Variants in TMCC2 observed in about 807,000 individuals in gnomAD.
TMCC2 encodes the protein transmembrane and coiled-coil domain family 2, also known as transmembrane and coiled-coil domains protein 2.
Under a neutral mutation model 49.4 loss-of-function variants are expected in TMCC2, and 16 were observed. That is an observed-to-expected ratio of 0.32 (90% CI 0.22 to 0.49). TMCC2 has a LOEUF of 0.49. Ranked by LOEUF, TMCC2 falls within the 20% of genes least tolerant of loss-of-function variation. The probability of loss-of-function intolerance (pLI) is 0.99; values close to 1 mark genes in which losing one functional copy is unlikely to be tolerated. For synonymous variants in TMCC2, 397 were observed against 434.1 expected, an observed-to-expected ratio of 0.91 and a Z score of 1.06; for missense variants, 762 against 989.8, an observed-to-expected ratio of 0.77 and a Z score of 3.09.
At position 205,264,735 on chromosome 1, in the gene TMCC2, G is replaced by A. The variant is rs1212521421; in HGVS notation, c.748-4215G>A. On this transcript the variant is annotated intron_variant, in intron 2 of 4. Coordinates refer to ENST00000358024, the MANE Select transcript of TMCC2 (RefSeq NM_014858.4). This position sits in a 1 kb window ranked among gnomAD's most constrained non-coding sequence, Gnocchi z 4.2. ...TCCAACTCCTAACCTCAGGTGATCC[G>A]CCCGCCTTGGCCTCCCAAAGTGCTG... 3.3e-5 allele frequency among the ~76,000 whole-genome samples: 5 copies of A among 152,006 alleles called. No individual in the cohort carries two copies. Among genetic ancestry groups the A allele is most frequent in the African/African-American group, 7.2e-5 (3 of 41,382 alleles).
At chr1:205,254,286 C>T (rs1483845947) in intron 2 of TMCC2, among the ~76,000 whole-genome samples, 5 of 152,212 alleles carry the variant, frequency 3.3e-5, no homozygotes, top group East Asian at 1.9e-4. Flanking sequence ...CCTGTCTTTA[C>T]GCCGTCCTCC....
intron 2 of TMCC2, among the ~76,000 whole-genome samples, chr1:205,249,994 G>A (rs543953454): frequency 9.8e-5 from 15 of 152,322 alleles, no homozygotes; most frequent in African/African-American, 2.4e-4. Context: ...CTGGAGATCC[G>A]AGAAGTTTCT....
In TMCC2 at chr1:205,264,461, G is replaced by A. The variant is rs543025672; in HGVS notation, c.748-4489G>A. ...AGCCTCCTGAGTAGCTGGAACAACC[G>A]GAACATGCCACCACACTCAGTTAAT... On this transcript the variant is annotated intron_variant, in intron 2 of 4. Coordinates refer to ENST00000358024, the MANE Select transcript of TMCC2 (RefSeq NM_014858.4). This position sits in a 1 kb window ranked among gnomAD's most constrained non-coding sequence, Gnocchi z 4.2. Among the ~76,000 whole-genome samples, 3 of 152,024 alleles carry A rather than the reference G, an allele frequency of 2.0e-5. No individual in the cohort carries two copies. Among genetic ancestry groups the A allele is most frequent in the African/African-American group, 7.2e-5 (3 of 41,520 alleles).
intron 2 of TMCC2, among the ~76,000 whole-genome samples, chr1:205,244,408 C>A (rs542801320): frequency 1.3e-5 from 2 of 152,240 alleles, no homozygotes; most frequent in Non-Finnish European, 2.9e-5. Context: ...GAAATGAATT[C>A]TTACTTTGTT....
At chr1:205,232,968 A>G (rs1659864355) in intron 1 of TMCC2, among the ~76,000 whole-genome samples, 1 of 143,872 alleles carries the variant, frequency 7.0e-6, no homozygotes, top group South Asian at 2.2e-4. Context: ...AAACACAAAA[A>G]AACACACACA....
At chr1:205,247,107 T>C (rs1457047655) in intron 2 of TMCC2, among the ~76,000 whole-genome samples, 1 of 152,196 alleles carries the variant, frequency 6.6e-6, no homozygotes, top group Non-Finnish European at 1.5e-5. Flanking sequence ...GAAATGGTTG[T>C]TCTTGTGACT....
chr1:205,246,942 G>C (rs1410744206), intron 2 of TMCC2, among the ~76,000 whole-genome samples: 3 of 152,054 alleles, frequency 2.0e-5, no homozygotes, highest in Non-Finnish European at 2.9e-5. Context: ...TAGCTGGGGA[G>C]CTTCTCTGTG....
intron 1 of TMCC2, chr1:205,229,803 GTTGCCGAGACAA>G (rs1039212734): frequency 4.0e-5 from 39 of 985,270 alleles, no homozygotes; most frequent in Non-Finnish European, 4.6e-5. Flanking sequence ...CCGGCCTGAG[GTTGCCGAGACAA>G]TTGGCGAGCT....
chr1:205,240,723 T>C (rs1426911195), intron 1 of TMCC2, among the ~76,000 whole-genome samples: 1 of 152,176 alleles, frequency 6.6e-6, no homozygotes, highest in Non-Finnish European at 1.5e-5. Context: ...TGTCATCTTG[T>C]GGTTGCAGAA....
In TMCC2 at chr1:205,264,633, C is replaced by T. The variant is rs532350191; in HGVS notation, c.748-4317C>T. On this transcript the variant is annotated intron_variant, in intron 2 of 4. Coordinates refer to ENST00000358024, the MANE Select transcript of TMCC2 (RefSeq NM_014858.4). This position sits in a 1 kb window ranked among gnomAD's most constrained non-coding sequence, Gnocchi z 4.2. ...CCGAGTAGCTGGGACTACGGGTGCCCGCCACCACATCCCACACCCAGCTAA... is the reference window on the plus strand; with the variant it reads ...CCGAGTAGCTGGGACTACGGGTGCCTGCCACCACATCCCACACCCAGCTAA... Among the ~76,000 whole-genome samples the T allele has an allele frequency of 7.2e-5, 11 of 152,100 alleles. No individual in the cohort carries two copies. Among genetic ancestry groups the T allele is most frequent in the African/African-American group, 2.4e-4 (10 of 41,462 alleles).
In TMCC2 at chr1:205,269,272, A is replaced by T. The variant is rs1366950527; in HGVS notation, c.1070A>T (p.Tyr357Phe). 1 of 1,613,712 alleles carries T rather than the reference A, an allele frequency of 6.2e-7. No individual in the cohort carries two copies. Among genetic ancestry groups the T allele is most frequent in the Non-Finnish European group, 8.5e-7 (1 of 1,180,010 alleles). The change falls in exon 3 of 5, where the codon TAC (tyrosine) becomes TTC (phenylalanine). Residue 357 changes from tyrosine (Y) to phenylalanine (F), a missense_variant. Coordinates refer to ENST00000358024, the MANE Select transcript of TMCC2 (RefSeq NM_014858.4). ...IAQLHKKLEH[Y>F]RRRLKEIEQN... ...CAGCTGCACAAGAAGCTGGAGCACT[A>T]CCGCCGGCGCCTGAAGGAGATTGAG...
intron 2 of TMCC2, among the ~76,000 whole-genome samples, chr1:205,249,482 G>C (rs1430382485): frequency 6.6e-6 from 1 of 152,204 alleles, no homozygotes; most frequent in African/African-American, 2.4e-5. Context: ...GCTCTGCTGA[G>C]AGAGGTTTCC....
rs1483927054 is a variant in TMCC2 at position 205,271,907 on chromosome 1, A to G, written c.1913A>G (p.Asn638Ser). The change falls in exon 5 of 5, where the codon AAC becomes AGC. Residue 638 changes from asparagine (N) to serine (S), a missense_variant. Physicochemically the swap from Asn to Ser is conservative, Grantham distance 46. Transcript: ENST00000358024. ...CAGCTGGAGGGCGTGGAGAATGCCAACGCGCGGGCGCTGCTGGGCAAGTTC... is the reference window on the plus strand; with the variant it reads ...CAGCTGGAGGGCGTGGAGAATGCCAGCGCGCGGGCGCTGCTGGGCAAGTTC... ...VVQLEGVENA[N>S]ARALLGKFIN... 6.2e-7 allele frequency: 1 copy of G among 1,614,170 alleles called. No homozygotes were observed. Among genetic ancestry groups the G allele is most frequent in the East Asian group, 2.2e-5 (1 of 44,880 alleles).
chr1:205,268,133 G>T, intron 2 of TMCC2: 4 of 958,690 alleles, frequency 4.2e-6, no homozygotes, highest in Non-Finnish European at 5.0e-6. Context: ...TGAACATGGG[G>T]TGGCGAGGGC....
intron 2 of TMCC2, among the ~76,000 whole-genome samples, chr1:205,260,316 A>G (rs1661054562): frequency 6.6e-6 from 1 of 152,222 alleles, no homozygotes; most frequent in Non-Finnish European, 1.5e-5. Context: ...AGAGAGGAGC[A>G]GTGGTTCCTG....
chr1:205,230,239 C>A, intron 1 of TMCC2: 1 of 874,040 alleles, frequency 1.1e-6, no homozygotes, highest in Non-Finnish European at 1.4e-6. Flanking sequence ...AAAAGGGGGA[C>A]GACTAGGTTA....
chr1:205,229,396 C>T (rs1659691372), intron 1 of TMCC2, among the ~76,000 whole-genome samples: 1 of 151,784 alleles, frequency 6.6e-6, no homozygotes, highest in South Asian at 2.1e-4. Context: ...GCCATGTTGG[C>T]CAGGCTGGTC....
intron 1 of TMCC2, among the ~76,000 whole-genome samples, chr1:205,235,105 G>A (rs984306425): frequency 2.0e-5 from 3 of 152,130 alleles, no homozygotes; most frequent in Admixed American, 6.5e-5. Flanking sequence ...GGAGGGTAGT[G>A]CAAATGCTGA....
intron 4 of TMCC2, 39 bp from the exon 5 acceptor site, chr1:205,271,774 A>G (rs768567465): frequency 1.3e-6 from 2 of 1,590,158 alleles, no homozygotes; most frequent in Admixed American, 1.7e-5. Flanking sequence ...GGTCCTGCCC[A>G]TCCTGAGCGC....
Sources: gnomAD v4.1 joint callset for allele counts (sites outside exome capture counted in the v4.1 genomes callset) on GRCh38, gnomAD v4.1.1 for gene constraint, Gnocchi (gnomAD v3.1) non-coding constraint, MANE v1.5 for transcripts, NCBI Gene and HGNC (gene_info 2026-07-23, HGNC 2026-07-21) for gene names.